SDCCAG8: variants seen among roughly 807,000 people sequenced by gnomAD.
SDCCAG8 encodes SHH signaling and ciliogenesis regulator SDCCAG8.
SDCCAG8 carries 74 observed loss-of-function variants against 101.8 expected under a neutral mutation model. The observed-to-expected ratio is 0.73, with a 90% CI of 0.60 to 0.88. The LOEUF is 0.88. SDCCAG8 is among the 40% of genes least tolerant of loss of function. The pLI is 0.00. For missense variants in SDCCAG8, 787 were observed against 822.6 expected (o/e 0.96, Z 0.53); for synonymous variants, 281 against 292.9 (o/e 0.96, Z 0.41).
At position 243,275,469 on chromosome 1, in the gene SDCCAG8, A is replaced by G. The variant is rs1416862347; in HGVS notation, c.420+813A>G. ...AGTATGTAACTTAAGGAGGCTTTAG[A>G]TGTTTCACTGTCCTGATTTTACCGG... is the stretch of plus-strand genomic sequence containing the variant. On this transcript the variant is annotated intron_variant, in intron 4 of 17. Transcript: ENST00000366541. Among the ~76,000 whole-genome samples the G allele has an allele frequency of 2.0e-5, 3 of 152,250 alleles. No individual in the cohort carries two copies. The East Asian group carries it at 5.8e-4, about 29-fold the overall frequency.
intron 1 of SDCCAG8, among the ~76,000 whole-genome samples, chr1:243,263,422 A>G (rs1302994143): frequency 6.6e-6 from 1 of 152,222 alleles, no homozygotes; most frequent in East Asian, 1.9e-4. Flanking sequence ...ATCTGCAAGA[A>G]TCCTACTTTA....
chr1:243,479,911 T>A (rs1254159577), intron 16 of SDCCAG8, among the ~76,000 whole-genome samples: 2 of 151,818 alleles, frequency 1.3e-5, no homozygotes, highest in Admixed American at 6.6e-5. Context: ...AGGGGCCTTA[T>A]TAAAACACAT....
chr1:243,368,080 G>C lies in SDCCAG8; in HGVS notation c.1474-10641G>C, dbSNP rs146432850. On this transcript the variant is annotated intron_variant, in intron 12 of 17. Coordinates refer to ENST00000366541, the MANE Select transcript of SDCCAG8 (RefSeq NM_006642.5). ...AAAATACAGAAATTAGCCTGGCATG[G>C]TGACACAGACGTGTAGTCCCAGCTA... Among the ~76,000 whole-genome samples, 12 of 152,042 alleles carry C rather than the reference G, an allele frequency of 7.9e-5. No homozygotes were observed. The East Asian group carries it at 2.3e-3, about 30-fold the overall frequency.
At chr1:243,427,335 T>A (rs2081405106) in intron 16 of SDCCAG8, among the ~76,000 whole-genome samples, 1 of 151,986 alleles carries the variant, frequency 6.6e-6, no homozygotes, top group Admixed American at 6.6e-5. Context: ...AATGGGGATT[T>A]TTTTTTTGGC....
chr1:243,294,696 T>TTCCCCCC (rs796839957), intron 6 of SDCCAG8, among the ~76,000 whole-genome samples: 18 of 62,234 alleles, frequency 2.9e-4, no homozygotes, highest in Admixed American at 5.5e-4. Context: ...CTTTCTAAAT[T>TTCCCCCC]CCCCCCCCCC....
chr1:243,316,837 G>C lies in SDCCAG8; in HGVS notation c.1012G>C (p.Glu338Gln), dbSNP rs1431330757. 2 of 1,614,158 alleles carry C rather than the reference G, an allele frequency of 1.2e-6. No individual in the cohort carries two copies. The highest frequency in any genetic ancestry group is 2.7e-5 in the African/African-American group (2 of 75,050). Residue 338 changes from glutamate (E) to glutamine (Q), a missense_variant, in exon 9 of 18, where the codon GAA (glutamate) becomes CAA (glutamine). Glu to Gln is a conservative substitution (Grantham distance 29). Coordinates refer to ENST00000366541, the MANE Select transcript of SDCCAG8 (RefSeq NM_006642.5). The part of the protein sequence containing the change: ...DTQQREASAY[E>Q]QVKQVLQISE... ...GCAGCAAAGAGAAGCAAGTGCTTAT[G>C]AACAGGTGAAACAAGTTTTGCAAAT...
intron 16 of SDCCAG8, among the ~76,000 whole-genome samples, chr1:243,445,586 A>T (rs1271839335): frequency 6.6e-6 from 1 of 152,220 alleles, no homozygotes; most frequent in East Asian, 1.9e-4. Context: ...TGTGGGGCTG[A>T]GGCATATTTT....
chr1:243,285,403 C>T (rs1398193427), intron 4 of SDCCAG8, among the ~76,000 whole-genome samples: 1 of 152,080 alleles, frequency 6.6e-6, no homozygotes, highest in Non-Finnish European at 1.5e-5. Context: ...AACATTTTTC[C>T]TGTTGGGAAG....
In SDCCAG8 at chr1:243,458,864, G is replaced by A. The variant is rs955937431; in HGVS notation, c.1986-30150G>A. 1.3e-5 allele frequency among the ~76,000 whole-genome samples: 2 copies of A among 152,224 alleles called. No individual in the cohort carries two copies. Among genetic ancestry groups the A allele is most frequent in the Non-Finnish European group, 2.9e-5 (2 of 68,038 alleles). ...CTGCCACTGTTTTCCTACAAGGGAC[G>A]TCTGATCAGTTTCTGAATTGAGTCC... On this transcript the variant is annotated intron_variant, in intron 16 of 17. Transcript: ENST00000366541. The surrounding 1 kb of genome is among the most constrained non-coding windows in gnomAD (Gnocchi z 4.5).
chr1:243,296,833 C>G (rs1027059030), intron 6 of SDCCAG8, among the ~76,000 whole-genome samples: 2 of 152,108 alleles, frequency 1.3e-5, no homozygotes, highest in South Asian at 4.1e-4. Flanking sequence ...GCGCCCGGCC[C>G]CAACTGCTCT....
chr1:243,282,941 G>A (rs1321207395), intron 4 of SDCCAG8, among the ~76,000 whole-genome samples: 1 of 152,080 alleles, frequency 6.6e-6, no homozygotes, highest in Non-Finnish European at 1.5e-5. Flanking sequence ...CTGCCTCCTG[G>A]GTTCAAGCAA....
intron 5 of SDCCAG8, among the ~76,000 whole-genome samples, chr1:243,290,841 C>G (rs1199499979): frequency 6.6e-6 from 1 of 152,112 alleles, no homozygotes; most frequent in Non-Finnish European, 1.5e-5. Context: ...TGGCAGAGGC[C>G]CCTGTGCACA....
chr1:243,271,024 T>C lies in SDCCAG8; in HGVS notation c.267T>C (p.Ser89=), dbSNP rs148818431. 9.4e-4 allele frequency: 1,522 copies of C among 1,613,524 alleles called. 2 individuals are homozygous for C. Among genetic ancestry groups the C allele is most frequent in the Non-Finnish European group, 1.1e-3 (1,301 of 1,179,692 alleles). The change falls in exon 3 of 18, where the codon AGT becomes AGC. Residue 89 remains serine, a synonymous_variant. Coordinates refer to ENST00000366541, the MANE Select transcript of SDCCAG8 (RefSeq NM_006642.5). Reference sequence around the variant, plus strand: ...TGCGCCAACAAGCAGATAAGGAAAGTGAAGTATCTCCGTCAAGAAGAAGAA... The same window carrying C: ...TGCGCCAACAAGCAGATAAGGAAAGCGAAGTATCTCCGTCAAGAAGAAGAA... The part of the protein sequence containing the change: ...DLLRQQADKE[S]EVSPSRRRKM...
chr1:243,486,234 CT>C (rs1664799583), intron 16 of SDCCAG8, among the ~76,000 whole-genome samples: 1 of 138,440 alleles, frequency 7.2e-6, no homozygotes, highest in South Asian at 2.5e-4. Flanking sequence ...AAAAAAATCT[CT>C]TTTCCCAATA....
At chr1:243,480,381 T>C (rs1663278314) in intron 16 of SDCCAG8, among the ~76,000 whole-genome samples, 1 of 32,472 alleles carries the variant, frequency 3.1e-5, no homozygotes, top group South Asian at 1.6e-3. Flanking sequence ...GATGGGTGGA[T>C]GGATGGATGG....
intron 8 of SDCCAG8, among the ~76,000 whole-genome samples, chr1:243,315,066 G>A (rs1157350679): frequency 6.6e-6 from 1 of 152,136 alleles, no homozygotes; most frequent in African/African-American, 2.4e-5. Flanking sequence ...ATGGTATCAG[G>A]AACAGATAAG....
intron 4 of SDCCAG8, among the ~76,000 whole-genome samples, chr1:243,284,891 T>C (rs1341697794): frequency 6.6e-6 from 1 of 152,170 alleles, no homozygotes; most frequent in East Asian, 1.9e-4. Context: ...CCTGGAATTT[T>C]TTTTTTTTTG....
At chr1:243,388,553 G>A (rs1346996933) in intron 13 of SDCCAG8, among the ~76,000 whole-genome samples, 2 of 151,976 alleles carry the variant, frequency 1.3e-5, no homozygotes, top group Non-Finnish European at 2.9e-5. Context: ...TGTTGCCCTT[G>A]TTGTCTTTTT....
chr1:243,291,021 A>G (rs1430718147), intron 5 of SDCCAG8, among the ~76,000 whole-genome samples: 1 of 152,160 alleles, frequency 6.6e-6, no homozygotes, highest in African/African-American at 2.4e-5. Flanking sequence ...GTTTGCACTA[A>G]ACTGAACTTC....
Sources: gnomAD v4.1 joint callset for allele counts (sites outside exome capture counted in the v4.1 genomes callset) on GRCh38, gnomAD v4.1.1 for gene constraint, Gnocchi (gnomAD v3.1) non-coding constraint, MANE v1.5 for transcripts, NCBI Gene and HGNC (gene_info 2026-07-23, HGNC 2026-07-21) for gene names.